KCNK2: variants seen among roughly 807,000 people sequenced by gnomAD.
KCNK2 encodes the protein potassium two pore domain channel subfamily K member 2, also known as potassium channel subfamily K member 2.
A neutral mutation model predicts 40.5 loss-of-function variants in KCNK2; 21 were observed. That is an observed-to-expected ratio of 0.52 (90% CI 0.37 to 0.75). The LOEUF (loss-of-function observed/expected upper bound fraction) is 0.75, where lower values mean the gene tolerates loss of function less well. Among genes scored for constraint, KCNK2 ranks in the 30% least tolerant of loss-of-function variants. The probability of loss-of-function intolerance (pLI) is 0.00; values close to 1 mark genes in which losing one functional copy is unlikely to be tolerated. For synonymous variants in KCNK2, 191 were observed against 202.2 expected (o/e 0.94, Z 0.47); for missense variants, 399 against 531.6 (o/e 0.75, Z 2.45).
chr1:215,007,191 A>G (rs1309365742), intron 1 of KCNK2, among the ~76,000 whole-genome samples: 482 of 32,028 alleles, frequency 0.015, 26 homozygotes, highest in African/African-American at 0.063. Context: ...GTGGGTATAT[A>G]TATATATATA....
chr1:215,006,665 A>G (rs1656137778), intron 1 of KCNK2, among the ~76,000 whole-genome samples: 1 of 152,116 alleles, frequency 6.6e-6, no homozygotes, highest in African/African-American at 2.4e-5. Context: ...AGCAAAGTCC[A>G]TCTTTAGTGC....
At chr1:215,207,300 C>T (rs1665356330) in intron 6 of KCNK2, among the ~76,000 whole-genome samples, 1 of 152,080 alleles carries the variant, frequency 6.6e-6, no homozygotes, top group Non-Finnish European at 1.5e-5. Context: ...GGAGCGGGAA[C>T]CCTATTGTGA....
At chr1:215,071,923 G>A (rs1658768414) in intron 1 of KCNK2, among the ~76,000 whole-genome samples, 1 of 152,196 alleles carries the variant, frequency 6.6e-6, no homozygotes, top group Non-Finnish European at 1.5e-5. Context: ...AGGCCAACTT[G>A]TGCAAGTGCA....
In KCNK2 at chr1:215,022,734, A is replaced by T. The variant is rs1048924250; in HGVS notation, c.34+16779A>T. On this transcript the variant is annotated intron_variant, in intron 1 of 6. Coordinates refer to the KCNK2 transcript ENST00000391895. ...AAGGTACATGGCCCTTTCCCAAAAC[A>T]CCAGGAACATCTAATCTGCCTTCTC... Among the ~76,000 whole-genome samples the T allele has an allele frequency of 3.3e-5, 5 of 152,250 alleles. No individual in the cohort carries two copies. The South Asian group carries it at 1.0e-3, about 32-fold the overall frequency.
chr1:215,135,941 G>A (rs1414194056), intron 3 of KCNK2, among the ~76,000 whole-genome samples: 5 of 151,956 alleles, frequency 3.3e-5, no homozygotes, highest in African/African-American at 1.2e-4. Context: ...CACCATGTTG[G>A]CCAGGATGTT....
At chr1:215,118,818 C>T (rs1670627831) in intron 2 of KCNK2, among the ~76,000 whole-genome samples, 1 of 152,072 alleles carries the variant, frequency 6.6e-6, no homozygotes, top group Non-Finnish European at 1.5e-5. Context: ...GTGTTAACCC[C>T]TTGTACCTGC....
intron 1 of KCNK2, among the ~76,000 whole-genome samples, chr1:215,036,516 T>C (rs1029424480): frequency 6.6e-6 from 1 of 151,920 alleles, no homozygotes; most frequent in Admixed American, 6.6e-5. Flanking sequence ...AGCTATTCTA[T>C]ATATTTTGAA....
intron 5 of KCNK2, among the ~76,000 whole-genome samples, chr1:215,179,854 A>G (rs981989479): frequency 6.6e-6 from 1 of 152,066 alleles, no homozygotes; most frequent in Non-Finnish European, 1.5e-5. Flanking sequence ...TGGATGGAGT[A>G]TTCTGTAGAT....
At chr1:215,157,449 G>A (rs574027596) in intron 3 of KCNK2, among the ~76,000 whole-genome samples, 5 of 152,208 alleles carry the variant, frequency 3.3e-5, no homozygotes, top group East Asian at 1.9e-4. Flanking sequence ...AAGATTATGC[G>A]TCATTAATCT....
intron 1 of KCNK2, among the ~76,000 whole-genome samples, chr1:215,086,011 T>G (rs1221660313): frequency 3.9e-5 from 6 of 152,222 alleles, no homozygotes; most frequent in African/African-American, 1.2e-4. Flanking sequence ...TACCATCAAC[T>G]CTTAGGAGTT....
At chr1:215,208,902 A>T (rs1665433031) in intron 6 of KCNK2, among the ~76,000 whole-genome samples, 1 of 151,918 alleles carries the variant, frequency 6.6e-6, no homozygotes, top group Non-Finnish European at 1.5e-5. Context: ...ATCTTGGCTC[A>T]CTACAACCTC....
At chr1:215,081,161 G>A (rs1659139022), upstream of KCNK2, among the ~76,000 whole-genome samples, 1 of 84,938 alleles carries the variant, frequency 1.2e-5, no homozygotes, top group South Asian at 5.9e-4. Flanking sequence ...ACACGTACAC[G>A]CAAATGTGTG....
intron 2 of KCNK2, among the ~76,000 whole-genome samples, chr1:215,097,098 C>T (rs1039389901): frequency 2.4e-4 from 37 of 151,778 alleles, no homozygotes; most frequent in African/African-American, 8.0e-4. Context: ...ACCTAAAATG[C>T]ATTTGTAAAA....
intron 1 of KCNK2, among the ~76,000 whole-genome samples, chr1:215,061,949 T>C (rs1658375352): frequency 6.6e-6 from 1 of 152,136 alleles, no homozygotes; most frequent in Non-Finnish European, 1.5e-5. Context: ...AAGGAAATCA[T>C]CCTGGAATTA....
At chr1:215,095,994 TG>T (rs1659961550) in intron 2 of KCNK2, among the ~76,000 whole-genome samples, 1 of 151,770 alleles carries the variant, frequency 6.6e-6, no homozygotes, top group Non-Finnish European at 1.5e-5. Context: ...AAGGCAAGAG[TG>T]GGGGCAAGGG....
chr1:215,047,952 C>T (rs1376775482), intron 1 of KCNK2, among the ~76,000 whole-genome samples: 1 of 152,048 alleles, frequency 6.6e-6, no homozygotes, highest in African/African-American at 2.4e-5. Flanking sequence ...CAGAGAATTC[C>T]CCCACAATAT....
intron 6 of KCNK2, among the ~76,000 whole-genome samples, chr1:215,211,627 TG>T (rs1665748768): frequency 6.6e-6 from 1 of 152,186 alleles, no homozygotes; most frequent in Admixed American, 6.5e-5. Flanking sequence ...TCAAGTGACA[TG>T]CTGCTTAGCA....
At chr1:215,084,473 C>T (rs146645827) in intron 1 of KCNK2, among the ~76,000 whole-genome samples, 1 of 152,190 alleles carries the variant, frequency 6.6e-6, no homozygotes, top group Non-Finnish European at 1.5e-5. Context: ...TGTTTTTGTT[C>T]CAAAGATGGC....
At chr1:215,194,473 A>G (rs1664786142) in intron 5 of KCNK2, among the ~76,000 whole-genome samples, 1 of 152,204 alleles carries the variant, frequency 6.6e-6, no homozygotes, top group South Asian at 2.1e-4. Flanking sequence ...TAAAATAAGA[A>G]CCATCACTAG....
Sources: allele counts gnomAD v4.1 joint callset (sites outside exome capture counted in the v4.1 genomes callset), GRCh38; gene constraint gnomAD v4.1.1; transcripts MANE v1.5; gene names NCBI Gene and HGNC (gene_info 2026-07-23, HGNC 2026-07-21).